Variants in SLC8A1 observed in about 807,000 individuals in gnomAD.
The protein encoded by SLC8A1 is sodium/calcium exchanger 1.
Under a neutral mutation model 68.3 loss-of-function variants are expected in SLC8A1, and 18 were observed. That is an observed-to-expected ratio of 0.26 (90% CI 0.18 to 0.39). The LOEUF is 0.39. Ranked by LOEUF, SLC8A1 falls within the 10% of genes least tolerant of loss-of-function variation. The pLI is 1.00. For missense variants in SLC8A1, 985 were observed against 1,156.7 expected, an observed-to-expected ratio of 0.85 and a Z score of 2.15; for synonymous variants, 475 against 415.5, an observed-to-expected ratio of 1.14 and a Z score of -1.74.
intron 1 of SLC8A1, among the ~76,000 whole-genome samples, chr2:40,510,355 A>G (rs969259947): frequency 3.3e-5 from 5 of 152,150 alleles, no homozygotes; most frequent in Admixed American, 2.6e-4. Context: ...TACTTATATT[A>G]TGCTTCTTGG....
chr2:40,413,985 C>T (rs1218304072), intron 2 of SLC8A1, among the ~76,000 whole-genome samples: 1 of 152,020 alleles, frequency 6.6e-6, no homozygotes, highest in Non-Finnish European at 1.5e-5. Flanking sequence ...ATATTTTATA[C>T]TAATTAAAAA....
At chr2:40,501,904 C>T (rs1469935267) in intron 1 of SLC8A1, among the ~76,000 whole-genome samples, 1 of 152,032 alleles carries the variant, frequency 6.6e-6, no homozygotes, top group Non-Finnish European at 1.5e-5. Flanking sequence ...GTCAAAGGAA[C>T]TTTTCTTTCT....
At chr2:40,384,047 G>A (rs919367589) in intron 2 of SLC8A1, among the ~76,000 whole-genome samples, 1 of 151,114 alleles carries the variant, frequency 6.6e-6, no homozygotes, top group Non-Finnish European at 1.5e-5. Context: ...GATTGCTTGA[G>A]GCCAGGAGTT....
intron 2 of SLC8A1, among the ~76,000 whole-genome samples, chr2:40,226,284 A>G (rs192409016): frequency 2.0e-5 from 3 of 152,278 alleles, no homozygotes; most frequent in East Asian, 3.9e-4. Flanking sequence ...CTGTAATTAC[A>G]TAATGATCCA....
At chr2:40,400,334 C>T (rs1383605527) in intron 2 of SLC8A1, among the ~76,000 whole-genome samples, 1 of 151,976 alleles carries the variant, frequency 6.6e-6, no homozygotes, top group South Asian at 2.1e-4. Context: ...GATCCTAGAA[C>T]CGAAAGATGA....
At chr2:40,204,153 G>A (rs1474144233) in intron 2 of SLC8A1, among the ~76,000 whole-genome samples, 1 of 152,004 alleles carries the variant, frequency 6.6e-6, no homozygotes, top group Non-Finnish European at 1.5e-5. Context: ...TTACTCTTCA[G>A]GAGGTATGCT....
chr2:40,500,795 CTTT>C (rs1191619172), intron 1 of SLC8A1, among the ~76,000 whole-genome samples: 320 of 37,226 alleles, frequency 8.6e-3, no homozygotes, highest in African/African-American at 0.029. Context: ...TATCATCTGA[CTTT>C]TTTTTTTTTT....
chr2:40,259,139 T>C (rs1267993650), intron 2 of SLC8A1, among the ~76,000 whole-genome samples: 1 of 152,114 alleles, frequency 6.6e-6, no homozygotes, highest in East Asian at 1.9e-4. Flanking sequence ...TGGCTCAGAG[T>C]TGAAATGGAC....
At position 40,358,307 on chromosome 2, in the gene SLC8A1, C is replaced by T. The variant is rs919527451; in HGVS notation, c.1808+70166G>A. Among the ~76,000 whole-genome samples, 6 of 151,618 alleles carry T rather than the reference C, an allele frequency of 4.0e-5. No homozygotes were observed. In the East Asian group the frequency reaches 7.8e-4, roughly 20 times the overall value. ...AAAAAAAGACCCACCACATTGTGCC[C>T]TATGTTTAAATATGTTCTAAAAAAT... On this transcript the variant is annotated intron_variant, in intron 2 of 7. Coordinates refer to ENST00000406785, the Ensembl canonical transcript of SLC8A1.
chr2:40,281,320 G>T (rs1057510978), intron 2 of SLC8A1, among the ~76,000 whole-genome samples: 18 of 152,268 alleles, frequency 1.2e-4, no homozygotes, highest in Non-Finnish European at 7.3e-5. Flanking sequence ...GAGAGAAATG[G>T]GAACTGTTTT....
intron 7 of SLC8A1, chr2:40,123,018 A>T (rs569148343): frequency 7.2e-4 from 109 of 152,326 alleles, no homozygotes; most frequent in African/African-American, 2.5e-3. Context: ...GAAAGGATAC[A>T]AACCAGCAGC....
At chr2:40,349,858 A>G (rs1670513442) in intron 2 of SLC8A1, among the ~76,000 whole-genome samples, 1 of 152,198 alleles carries the variant, frequency 6.6e-6, no homozygotes, top group African/African-American at 2.4e-5. Context: ...AGAAAGACAA[A>G]AAAAGAAATA....
At chr2:40,137,593 TTA>T (rs1182095234) in intron 7 of SLC8A1, among the ~76,000 whole-genome samples, 4 of 152,146 alleles carry the variant, frequency 2.6e-5, no homozygotes, top group African/African-American at 4.8e-5. Flanking sequence ...TCCTTTGGTT[TTA>T]TATATAGTCT....
chr2:40,170,461 A>G, intron 4 of SLC8A1, 112 bp from the exon 7 acceptor site: 1 of 881,490 alleles, frequency 1.1e-6, no homozygotes, highest in Non-Finnish European at 1.8e-6. Flanking sequence ...CATCACAAGC[A>G]ACGTTAGTTT....
chr2:40,284,982 G>C (rs149728187), intron 2 of SLC8A1, among the ~76,000 whole-genome samples: 3 of 152,072 alleles, frequency 2.0e-5, no homozygotes, highest in Non-Finnish European at 4.4e-5. Context: ...GAGAATGTCA[G>C]AGTCAATAAC....
At chr2:40,299,396 T>TTCTTGAC (rs2071010080) in intron 2 of SLC8A1, among the ~76,000 whole-genome samples, 1 of 152,188 alleles carries the variant, frequency 6.6e-6, no homozygotes, top group African/African-American at 2.4e-5. Context: ...CTCTCCTCCT[T>TTCTTGAC]TCTTGACTTT....
At position 40,205,353 on chromosome 2, in the gene SLC8A1, A is replaced by C. The variant is rs562114051; in HGVS notation, c.1809-27498T>G. Among the ~76,000 whole-genome samples the C allele has an allele frequency of 7.2e-5, 11 of 152,192 alleles. No homozygotes were observed. The East Asian group carries it at 2.1e-3, about 29-fold the overall frequency. Reference sequence around the variant, plus strand: ...GACCCATTTTGAAGTAAATGATTACAGCTGTGGAATGCTTCAAGGAACTTA... The same window carrying C: ...GACCCATTTTGAAGTAAATGATTACCGCTGTGGAATGCTTCAAGGAACTTA... On this transcript the variant is annotated intron_variant, in intron 2 of 7. Coordinates refer to ENST00000406785, the Ensembl canonical transcript of SLC8A1.
chr2:40,186,409 G>C (rs1043923338), intron 2 of SLC8A1, among the ~76,000 whole-genome samples: 1 of 152,040 alleles, frequency 6.6e-6, no homozygotes, highest in African/African-American at 2.4e-5. Context: ...TACTGATTTG[G>C]GGTTAGGGAA....
intron 2 of SLC8A1, among the ~76,000 whole-genome samples, chr2:40,385,381 T>A (rs1453176351): frequency 6.8e-6 from 1 of 147,988 alleles, no homozygotes; most frequent in Non-Finnish European, 1.5e-5. Flanking sequence ...TTTAAAACAT[T>A]CATTTATTTT....
Sources: allele counts gnomAD v4.1 joint callset (sites outside exome capture counted in the v4.1 genomes callset), GRCh38; gene constraint gnomAD v4.1.1; transcripts MANE v1.5; gene names NCBI Gene and HGNC (gene_info 2026-07-23, HGNC 2026-07-21).